VRK2: variants seen among roughly 807,000 people sequenced by gnomAD.
VRK2 encodes the protein serine/threonine-protein kinase VRK2.
Under a neutral mutation model 57.6 loss-of-function variants are expected in VRK2, and 60 were observed. That is an observed-to-expected ratio of 1.04 (90% CI 0.85 to 1.29). The LOEUF (loss-of-function observed/expected upper bound fraction) is 1.29, where lower values mean the gene tolerates loss of function less well. VRK2 is among the 50% of genes most tolerant of loss of function. The probability of loss-of-function intolerance (pLI) is 0.00; values close to 1 mark genes in which losing one functional copy is unlikely to be tolerated. For synonymous variants in VRK2, 231 were observed against 199.2 expected, an observed-to-expected ratio of 1.16 and a Z score of -1.35; for missense variants, 705 against 588.1, an observed-to-expected ratio of 1.20 and a Z score of -2.06.
At chr2:58,095,928 G>A (rs1573072182) in intron 7 of VRK2, among the ~76,000 whole-genome samples, 1 of 152,070 alleles carries the variant, frequency 6.6e-6, no homozygotes, top group African/African-American at 2.4e-5. Context: ...GTGAATATGA[G>A]TGTGTGTGTA....
In VRK2 at chr2:58,059,150, ATAGT is replaced by A. The variant is rs572622191; in HGVS notation, c.136+10184_136+10187del. The stretch of plus-strand genomic sequence containing the variant: ...ATCTGTGAAAGAACATCTGATATTT[ATAGT>A]AAACCTAATGTTAGGCACTGGAACA... On this transcript the variant is annotated intron_variant, in intron 2 of 12. Coordinates refer to ENST00000340157, the MANE Select transcript of VRK2 (RefSeq NM_006296.7). Among the ~76,000 whole-genome samples, 22 of 152,186 alleles carry A rather than the reference ATAGT, an allele frequency of 1.4e-4. No homozygotes were observed. In the South Asian group the frequency reaches 4.6e-3, roughly 32 times the overall value.
intron 2 of VRK2, among the ~76,000 whole-genome samples, chr2:58,060,498 G>A (rs1299741742): frequency 6.6e-6 from 1 of 151,660 alleles, no homozygotes; most frequent in Non-Finnish European, 1.5e-5. Context: ...GGCAATAATG[G>A]ATGCAGCTGG....
At chr2:58,131,384 T>A (rs1358674110) in intron 8 of VRK2, among the ~76,000 whole-genome samples, 1 of 151,650 alleles carries the variant, frequency 6.6e-6, no homozygotes, top group Non-Finnish European at 1.5e-5. Context: ...ACTCAGAGGG[T>A]CTCTGCATGA....
chr2:58,066,517 A>G (rs946194526), intron 2 of VRK2, among the ~76,000 whole-genome samples: 1 of 152,000 alleles, frequency 6.6e-6, no homozygotes, highest in Admixed American at 6.6e-5. Flanking sequence ...ATTAGTGTAT[A>G]CTTTTATTTA....
At chr2:57,949,599 G>A (rs1376004390) in intron 1 of VRK2, among the ~76,000 whole-genome samples, 2 of 151,956 alleles carry the variant, frequency 1.3e-5, no homozygotes, top group African/African-American at 4.8e-5. Flanking sequence ...CCCCTCCTTG[G>A]ACTTCTCTGT....
chr2:57,934,501 C>T (rs1670839206), intron 1 of VRK2, among the ~76,000 whole-genome samples: 1 of 152,154 alleles, frequency 6.6e-6, no homozygotes, highest in Non-Finnish European at 1.5e-5. Flanking sequence ...AAAATTCTCT[C>T]TTTATGTTTG....
At chr2:58,144,286 A>C (rs1681790171) in intron 11 of VRK2, among the ~76,000 whole-genome samples, 1 of 151,996 alleles carries the variant, frequency 6.6e-6, no homozygotes, top group Admixed American at 6.6e-5. Context: ...ACAAACTTTC[A>C]GTTATAAGAT....
chr2:58,079,961 A>G (rs989155574), intron 2 of VRK2, among the ~76,000 whole-genome samples: 2 of 151,966 alleles, frequency 1.3e-5, no homozygotes, highest in Non-Finnish European at 2.9e-5. Context: ...GTTTTCTTAA[A>G]ATCAAAATAT....
chr2:58,137,041 TATA>T (rs1255237249), intron 10 of VRK2, among the ~76,000 whole-genome samples: 6 of 130,128 alleles, frequency 4.6e-5, no homozygotes, highest in East Asian at 2.1e-4. Context: ...ATATATCATA[TATA>T]ATATATATGT....
At chr2:58,039,070 T>C (rs759250645) in intron 3 of VRK2, among the ~76,000 whole-genome samples, 7 of 152,160 alleles carry the variant, frequency 4.6e-5, no homozygotes, top group Non-Finnish European at 1.0e-4. Flanking sequence ...ACAATACTAT[T>C]AGTTGATAAA....
chr2:58,135,876 G>C (rs1679935300), intron 10 of VRK2, among the ~76,000 whole-genome samples: 1 of 152,074 alleles, frequency 6.6e-6, no homozygotes, highest in African/African-American at 2.4e-5. Context: ...TTTAACAATT[G>C]AGTTAGACTG....
At chr2:58,130,212 A>G (rs573503917) in intron 8 of VRK2, among the ~76,000 whole-genome samples, 2 of 152,260 alleles carry the variant, frequency 1.3e-5, no homozygotes, top group Non-Finnish European at 1.5e-5. Flanking sequence ...TCATCCAAAC[A>G]CTGTGCCAGA....
At chr2:58,031,175 T>C (rs961663073) in intron 2 of VRK2, among the ~76,000 whole-genome samples, 1 of 152,082 alleles carries the variant, frequency 6.6e-6, no homozygotes, top group Non-Finnish European at 1.5e-5. Flanking sequence ...GGTAAGTGAC[T>C]ATCTTTCATC....
intron 1 of VRK2, among the ~76,000 whole-genome samples, chr2:57,961,634 C>T (rs905676843): frequency 9.5e-6 from 1 of 105,176 alleles, no homozygotes; most frequent in Non-Finnish European, 2.1e-5. Context: ...CCCCCCCCCC[C>T]ACTTATTACT....
intron 2 of VRK2, chr2:58,058,601 GT>G (rs1173730209): frequency 3.6e-6 from 1 of 274,584 alleles, no homozygotes; most frequent in Admixed American, 4.7e-5. Context: ...GAAGAGTCTG[GT>G]AAAGAGTAGT....
chr2:58,137,182 C>CATATATCAT, intron 10 of VRK2, among the ~76,000 whole-genome samples: 7 of 35,100 alleles, frequency 2.0e-4, no homozygotes, highest in African/African-American at 1.1e-3. Context: ...TCATATATAT[C>CATATATCAT]ATATATGATA....
At chr2:58,061,461 CTG>C (rs1260578312) in intron 2 of VRK2, among the ~76,000 whole-genome samples, 1 of 151,852 alleles carries the variant, frequency 6.6e-6, no homozygotes, top group African/African-American at 2.4e-5. Context: ...GAAAAAAAGT[CTG>C]TAAGCCTCAA....
At chr2:57,961,222 A>AG (rs1380571566) in intron 1 of VRK2, among the ~76,000 whole-genome samples, 19 of 152,346 alleles carry the variant, frequency 1.2e-4, no homozygotes, top group African/African-American at 4.3e-4. Context: ...TTCTCTAAAA[A>AG]GGTGACATAT....
chr2:57,939,406 A>G (rs1671020577), intron 1 of VRK2, among the ~76,000 whole-genome samples: 1 of 152,130 alleles, frequency 6.6e-6, no homozygotes, highest in Non-Finnish European at 1.5e-5. Flanking sequence ...TTATTCCTAT[A>G]TCATCTCCAG....
Sources: gnomAD v4.1 joint callset for allele counts (sites outside exome capture counted in the v4.1 genomes callset) on GRCh38, gnomAD v4.1.1 for gene constraint, MANE v1.5 for transcripts, NCBI Gene and HGNC (gene_info 2026-07-23, HGNC 2026-07-21) for gene names.